ABCG1: variants seen among roughly 807,000 people sequenced by gnomAD.
The protein encoded by ABCG1 is ATP-binding cassette sub-family G member 1.
A neutral mutation model predicts 69.2 loss-of-function variants in ABCG1; 29 were observed. The observed-to-expected ratio is 0.42, with a 90% CI of 0.31 to 0.57. ABCG1 has a LOEUF of 0.57. Among genes scored for constraint, ABCG1 ranks in the 20% least tolerant of loss-of-function variants. The probability of loss-of-function intolerance (pLI) is 0.15; values close to 1 mark genes in which losing one functional copy is unlikely to be tolerated. For missense variants in ABCG1, 718 were observed against 898.1 expected, an observed-to-expected ratio of 0.80 and a Z score of 2.56; for synonymous variants, 370 against 374.8, an observed-to-expected ratio of 0.99 and a Z score of 0.15.
chr21:42,210,959 CTTT>C (rs1555945834), intron 2 of ABCG1, among the ~76,000 whole-genome samples: 9 of 137,350 alleles, frequency 6.6e-5, no homozygotes, highest in Non-Finnish European at 6.4e-5. Context: ...TTTCTTTCTT[CTTT>C]TTTTTTTTTT....
Position 42,201,832 on chromosome 21 carries a change from T to C in ABCG1, c.48+109T>C, listed in dbSNP as rs139352604. 8.6e-3 allele frequency: 13,571 copies of C among 1,579,660 alleles called. 157 individuals carry two copies. Among genetic ancestry groups the C allele is most frequent in the Non-Finnish European group, 8.0e-3 (9,302 of 1,158,632 alleles). ...GATGTAGTCTAGAGATGATTCTTGG[T>C]GTGGGCTGTGGGAGCTCCTGCGGTG... On this transcript the variant is annotated intron_variant, in intron 2 of 15. Transcript: ENST00000398457.
intron 2 of ABCG1, among the ~76,000 whole-genome samples, chr21:42,204,639 C>T (rs2067529724): frequency 1.3e-5 from 2 of 152,064 alleles, no homozygotes; most frequent in African/African-American, 4.8e-5. Context: ...ACTCTGTCTG[C>T]TAGTATTTTG....
chr21:42,278,012 G>A (rs1300198931), intron 5 of ABCG1, among the ~76,000 whole-genome samples: 1 of 152,204 alleles, frequency 6.6e-6, no homozygotes, highest in Non-Finnish European at 1.5e-5. Context: ...ACCGGGGCTG[G>A]GGGGTGAAAT....
rs887736059 is a variant in ABCG1, at chr21:42,273,240, C to T, written c.405-63C>T. ...CCCCGTCTCTGGCTCCCCTCTCCTG[C>T]CCCGGGAGGTGGAGGAGGAGCAGGA... On this transcript the variant is annotated intron_variant, in intron 3 of 14. Coordinates refer to ENST00000398449, the MANE Select transcript of ABCG1 (RefSeq NM_016818.3). The surrounding 1 kb of genome is among the most constrained non-coding windows in gnomAD (Gnocchi z 5.3). 5 of 1,566,236 alleles carry T rather than the reference C, an allele frequency of 3.2e-6. No individual in the cohort carries two copies. The highest frequency in any genetic ancestry group is 4.3e-6 in the Non-Finnish European group (5 of 1,156,118).
chr21:42,201,590 T>C (rs765568155), exon 2 of ABCG1: 8 of 1,545,688 alleles, frequency 5.2e-6, no homozygotes, highest in Non-Finnish European at 7.0e-6. Context: ...TACACCAACC[T>C]GAACTTCGCT....
chr21:42,247,992 T>C (rs1049646558), intron 2 of ABCG1, among the ~76,000 whole-genome samples: 2 of 152,100 alleles, frequency 1.3e-5, no homozygotes, highest in African/African-American at 4.8e-5. Context: ...CTCAGAACGG[T>C]GAGACGGCAC....
chr21:42,232,078 A>C (rs1295601180), intron 2 of ABCG1, among the ~76,000 whole-genome samples: 8 of 152,248 alleles, frequency 5.3e-5, no homozygotes, highest in Non-Finnish European at 7.4e-5. Flanking sequence ...TCAGGCCCTG[A>C]GGGGTAGCAC....
intron 2 of ABCG1, among the ~76,000 whole-genome samples, chr21:42,268,386 T>TGTGTGTGG (rs1555957927): frequency 7.0e-6 from 1 of 142,748 alleles, no homozygotes; most frequent in Non-Finnish European, 1.5e-5. Flanking sequence ...TGTGTGTGTG[T>TGTGTGTGG]GTGCGCGCGC....
chr21:42,273,473 C>T lies in ABCG1; in HGVS notation c.537+38C>T, dbSNP rs1358049102. 8.3e-6 allele frequency: 13 copies of T among 1,564,020 alleles called. No homozygotes were observed. The highest frequency in any genetic ancestry group is 1.0e-5 in the Non-Finnish European group (12 of 1,144,560). ...CTGCCCCGCCCCACTCCGCCCCTGC[C>T]GCCTGTCCCCAGCGCCCACATTAGA... On this transcript the variant is annotated intron_variant, in intron 4 of 14. Transcript: ENST00000398449. This position sits in a 1 kb window ranked among gnomAD's most constrained non-coding sequence, Gnocchi z 5.3.
Position 42,219,222 on chromosome 21 carries a change from C to CCCGCTG in ABCG1, c.-37_-36insTGCCGC. The CCCGCTG allele has an allele frequency of 6.8e-7, 1 of 1,474,026 alleles. No homozygotes were observed. The highest frequency in any genetic ancestry group is 9.0e-7 in the Non-Finnish European group (1 of 1,111,082). 91.3% of individuals were successfully genotyped at this position (1,474,026 alleles called of 1,614,324 possible). ...TCGGCCCCGCAGCTCAAGCCTCGTC[C>CCCGCTG]CCGCCGCCGCCGCCGCCGCCGCCGC... On this transcript the variant is annotated 5_prime_UTR_variant, in exon 1 of 15. Transcript: ENST00000398449. This position sits in a 1 kb window ranked among gnomAD's most constrained non-coding sequence, Gnocchi z 5.3.
At chr21:42,280,516 T>G (rs1205144482) in intron 5 of ABCG1, among the ~76,000 whole-genome samples, 1 of 152,194 alleles carries the variant, frequency 6.6e-6, no homozygotes, top group East Asian at 1.9e-4. Context: ...TTGCAGGTTT[T>G]TTGTTTGTTT....
intron 2 of ABCG1, among the ~76,000 whole-genome samples, chr21:42,230,169 G>A (rs141214644): frequency 6.6e-6 from 1 of 152,282 alleles, no homozygotes; most frequent in African/African-American, 2.4e-5. Flanking sequence ...CGTTGAATAT[G>A]GCATTTTAAC....
At chr21:42,256,549 C>T (rs748245962) in intron 2 of ABCG1, 98 of 1,546,476 alleles carry the variant, frequency 6.3e-5, no homozygotes, top group Non-Finnish European at 8.3e-5. Context: ...CAACAAATAT[C>T]CCATCTGCAT....
rs190102437 is a variant in ABCG1 at position 42,268,426 on chromosome 21, A to G, written c.287-2644A>G. ...TGGATACTCAGGAAACCCGACTACC[A>G]CAGGAAGCCTCTGGCTGGTGTTTCC... On this transcript the variant is annotated intron_variant, in intron 2 of 14. Coordinates refer to ENST00000398449, the MANE Select transcript of ABCG1 (RefSeq NM_016818.3). Among the ~76,000 whole-genome samples the G allele has an allele frequency of 4.6e-3, 703 of 151,676 alleles. 9 individuals are homozygous for G. The highest frequency in any genetic ancestry group is 0.016 in the African/African-American group (663 of 41,266).
chr21:42,293,062 C>CA (rs2069106883), intron 13 of ABCG1, among the ~76,000 whole-genome samples: 1 of 96,766 alleles, frequency 1.0e-5, no homozygotes, highest in African/African-American at 4.5e-5. Flanking sequence ...TACACACATA[C>CA]CACACTACAC....
chr21:42,295,377 A>AAAAAAAAAAAAAAT (rs2069187768), intron 14 of ABCG1: 1 of 119,662 alleles, frequency 8.4e-6, no homozygotes, highest in African/African-American at 2.9e-5. Context: ...AAAAAAAAAA[A>AAAAAAAAAAAAAAT]GGAAAGAAAT....
chr21:42,223,473 G>C (rs12627318), intron 1 of ABCG1, among the ~76,000 whole-genome samples: 11,079 of 151,936 alleles, frequency 0.073, 461 homozygotes, highest in South Asian at 0.14. Flanking sequence ...AGGCACACAT[G>C]GGGAAAAGGC....
intron 2 of ABCG1, among the ~76,000 whole-genome samples, chr21:42,230,513 T>C (rs1376158037): frequency 6.6e-6 from 1 of 152,258 alleles, no homozygotes; most frequent in Admixed American, 6.5e-5. Flanking sequence ...GTGACTCTTT[T>C]GAAAGCAGCC....
chr21:42,222,166 T>A lies in ABCG1; in HGVS notation c.42+2862T>A, dbSNP rs546374498. ...GAAACAGAAGAGTGAAAGGAAAAAA[T>A]GAAGAGAGAAGATGCATGTGTTTTA... On this transcript the variant is annotated intron_variant, in intron 1 of 14. Coordinates refer to ENST00000398449, the MANE Select transcript of ABCG1 (RefSeq NM_016818.3). 1.9e-3 allele frequency among the ~76,000 whole-genome samples: 288 copies of A among 151,972 alleles called. 2 individuals are homozygous for A. Among genetic ancestry groups the A allele is most frequent in the African/African-American group, 6.7e-3 (277 of 41,424 alleles).
Sources: gnomAD v4.1 joint callset for allele counts (sites outside exome capture counted in the v4.1 genomes callset) on GRCh38, gnomAD v4.1.1 for gene constraint, Gnocchi (gnomAD v3.1) non-coding constraint, MANE v1.5 for transcripts, NCBI Gene and HGNC (gene_info 2026-07-23, HGNC 2026-07-21) for gene names.